Variants in LOC128092252 observed in about 807,000 individuals in gnomAD.
At chr15:50,662,914 TA>T in the LOC128092252 span, 1 of 1,272,698 alleles carries the variant, frequency 7.9e-7, no homozygotes, top group Non-Finnish European at 1.1e-6. Flanking sequence ...AATAACAATA[TA>T]ATTTACACTA....
At chr15:50,686,011 T>C in the LOC128092252 span, among the ~76,000 whole-genome samples, 1 of 152,202 alleles carries the variant, frequency 6.6e-6, no homozygotes, top group Admixed American at 6.5e-5. Context: ...CTGTAGAGTA[T>C]CCGCTGCACA....
At chr15:50,652,555 C>A in the LOC128092252 span, among the ~76,000 whole-genome samples, 4 of 150,480 alleles carry the variant, frequency 2.7e-5, no homozygotes, top group African/African-American at 9.7e-5. Context: ...ATTAATACAC[C>A]TTTCCACAAA....
the LOC128092252 span, among the ~76,000 whole-genome samples, chr15:50,672,297 C>T: frequency 6.6e-6 from 1 of 151,988 alleles, no homozygotes; most frequent in African/African-American, 2.4e-5. Context: ...GTGACGTGAT[C>T]CGCCCACCTT....
the LOC128092252 span, among the ~76,000 whole-genome samples, chr15:50,676,324 T>G: frequency 6.6e-6 from 1 of 152,036 alleles, no homozygotes; most frequent in Admixed American, 6.6e-5. Flanking sequence ...ACAAATACAT[T>G]CTATGATTAT....
At chr15:50,671,683 G>A in the LOC128092252 span, among the ~76,000 whole-genome samples, 2 of 152,018 alleles carry the variant, frequency 1.3e-5, no homozygotes, top group Non-Finnish European at 2.9e-5. Flanking sequence ...GTTGGTGCCT[G>A]CCTATAGTCC....
chr15:50,684,040 C>T, the LOC128092252 span, among the ~76,000 whole-genome samples: 11 of 151,916 alleles, frequency 7.2e-5, no homozygotes, highest in South Asian at 4.1e-4. Flanking sequence ...TTAGTAGAGA[C>T]GGGGTTTCAC....
chr15:50,665,005 TAAC>T, the LOC128092252 span, among the ~76,000 whole-genome samples: 2 of 152,178 alleles, frequency 1.3e-5, no homozygotes, highest in African/African-American at 4.8e-5. Context: ...TAAAAGATTT[TAAC>T]AACATGTTAA....
At chr15:50,664,838 A>C in the LOC128092252 span, among the ~76,000 whole-genome samples, 1 of 152,114 alleles carries the variant, frequency 6.6e-6, no homozygotes, top group Non-Finnish European at 1.5e-5. Flanking sequence ...GTGCACACCT[A>C]TAGTCAGTCC....
At chr15:50,673,679 T>A in the LOC128092252 span, among the ~76,000 whole-genome samples, 1 of 152,220 alleles carries the variant, frequency 6.6e-6, no homozygotes, top group Non-Finnish European at 1.5e-5. Flanking sequence ...CTCGTTGACT[T>A]GATGGGCATT....
the LOC128092252 span, among the ~76,000 whole-genome samples, chr15:50,678,119 T>C: frequency 1.3e-5 from 2 of 151,424 alleles, no homozygotes; most frequent in Admixed American, 6.6e-5. Flanking sequence ...TGGGCGCCTG[T>C]AGTCCCAGCT....
the LOC128092252 span, among the ~76,000 whole-genome samples, chr15:50,682,738 T>G: frequency 3.3e-5 from 5 of 152,186 alleles, no homozygotes; most frequent in Non-Finnish European, 5.9e-5. Flanking sequence ...TGTATTCACA[T>G]TCAACTAATC....
the LOC128092252 span, among the ~76,000 whole-genome samples, chr15:50,650,062 G>A: frequency 3.8e-4 from 58 of 151,548 alleles, no homozygotes; most frequent in Admixed American, 5.3e-4. Context: ...GCATGGTGGC[G>A]CGTGCCTGTA....
the LOC128092252 span, among the ~76,000 whole-genome samples, chr15:50,654,833 T>TG: frequency 6.8e-6 from 1 of 147,212 alleles, no homozygotes; most frequent in Admixed American, 6.8e-5. Flanking sequence ...CCATCTCTAC[T>TG]AAAAAAAACC....
At chr15:50,651,866 G>A in the LOC128092252 span, among the ~76,000 whole-genome samples, 3,616 of 151,826 alleles carry the variant, frequency 0.024, 136 homozygotes, top group African/African-American at 0.082. Context: ...CCAGCCTGGC[G>A]ACGGAGCAAG....
the LOC128092252 span, among the ~76,000 whole-genome samples, chr15:50,683,945 C>T: frequency 6.6e-6 from 1 of 151,742 alleles, no homozygotes; most frequent in Non-Finnish European, 1.5e-5. Flanking sequence ...ACTGCAACCT[C>T]CGCCTCCAAG....
chr15:50,667,029 C>T, the LOC128092252 span, among the ~76,000 whole-genome samples: 1 of 152,082 alleles, frequency 6.6e-6, no homozygotes, highest in African/African-American at 2.4e-5. Context: ...GGGTCTGGAT[C>T]AGGACCCCTT....
At chr15:50,667,481 G>A in the LOC128092252 span, among the ~76,000 whole-genome samples, 2 of 152,128 alleles carry the variant, frequency 1.3e-5, no homozygotes, top group African/African-American at 2.4e-5. Flanking sequence ...CAAGGTGGGC[G>A]GATCACTTGA....
At chr15:50,670,097 AATGAGTGCCTCTCT>A in the LOC128092252 span, among the ~76,000 whole-genome samples, 2 of 152,136 alleles carry the variant, frequency 1.3e-5, no homozygotes, top group African/African-American at 4.8e-5. Flanking sequence ...ATGTGTTGTG[AATGAGTGCCTCTCT>A]ATCACGGACA....
At chr15:50,648,978 T>G in the LOC128092252 span, 1 of 854,154 alleles carries the variant, frequency 1.2e-6, no homozygotes, top group East Asian at 2.9e-5. Flanking sequence ...AAATATAAGC[T>G]TTAAAATTTT....
Sources: gnomAD v4.1 joint callset for allele counts (sites outside exome capture counted in the v4.1 genomes callset) on GRCh38, gnomAD v4.1.1 for gene constraint, MANE v1.5 for transcripts.